Variants in ZNF367 observed in about 807,000 individuals in gnomAD.
The protein encoded by ZNF367 is zinc finger protein 367.
In ZNF367, 11 loss-of-function variants were observed where a neutral mutation model predicts 31.8. The ratio of observed to expected loss-of-function variants is 0.35; its 90% CI spans 0.22 to 0.57. The LOEUF is 0.57. Ranked by LOEUF, ZNF367 falls within the 20% of genes least tolerant of loss-of-function variation. ZNF367 has a pLI of 0.85. For synonymous variants in ZNF367, 199 were observed against 202.4 expected (o/e 0.98, Z 0.14); for missense variants, 353 against 484.1 (o/e 0.73, Z 2.54).
chr9:96,401,066 T>C (rs1831597414), intron 1 of ZNF367, among the ~76,000 whole-genome samples: 1 of 151,988 alleles, frequency 6.6e-6, no homozygotes, highest in South Asian at 2.1e-4. Flanking sequence ...TGTCTACAAA[T>C]AATTTAAAAA....
chr9:96,414,486 AT>A (rs112053502), intron 1 of ZNF367, among the ~76,000 whole-genome samples: 2,223 of 148,176 alleles, frequency 0.015, 51 homozygotes, highest in African/African-American at 0.05. Flanking sequence ...CTTGTTAGCA[AT>A]TTTTTTTTTT....
intron 1 of ZNF367, among the ~76,000 whole-genome samples, chr9:96,408,750 A>G (rs562961443): frequency 3.3e-5 from 5 of 152,312 alleles, no homozygotes; most frequent in African/African-American, 1.2e-4. Flanking sequence ...AAGGTAGAAA[A>G]TATTATCGGG....
At chr9:96,393,027 G>A (rs763639695) in intron 3 of ZNF367, among the ~76,000 whole-genome samples, 33 of 152,188 alleles carry the variant, frequency 2.2e-4, no homozygotes, top group African/African-American at 7.2e-4. Flanking sequence ...AGAGGTTGCC[G>A]TGAGCCGAGA....
intron 1 of ZNF367, among the ~76,000 whole-genome samples, chr9:96,412,697 C>CTTTTTTTTTTTTTTTT (rs71368258): frequency 7.5e-6 from 1 of 133,800 alleles, no homozygotes; most frequent in African/African-American, 2.8e-5. Context: ...TTTTTCTTTT[C>CTTTTTTTTTTTTTTTT]TTTTTTTTTT....
intron 1 of ZNF367, among the ~76,000 whole-genome samples, chr9:96,399,967 CAGAA>C (rs1831581451): frequency 6.6e-6 from 1 of 152,118 alleles, no homozygotes; most frequent in Admixed American, 6.6e-5. Context: ...AACAAAAACT[CAGAA>C]GGAAGGGTCT....
chr9:96,412,590 T>C (rs1831764230), intron 1 of ZNF367, among the ~76,000 whole-genome samples: 1 of 152,182 alleles, frequency 6.6e-6, no homozygotes, highest in Non-Finnish European at 1.5e-5. Flanking sequence ...TCACAACTTC[T>C]CAAGTTTTAA....
intron 2 of ZNF367, among the ~76,000 whole-genome samples, chr9:96,395,518 T>C (rs1217818415): frequency 6.6e-6 from 1 of 152,174 alleles, no homozygotes; most frequent in African/African-American, 2.4e-5. Context: ...CATTAGCTAC[T>C]GGGGTTAAGG....
At chr9:96,404,037 T>C (rs1831640851) in intron 1 of ZNF367, among the ~76,000 whole-genome samples, 1 of 151,122 alleles carries the variant, frequency 6.6e-6, no homozygotes, top group African/African-American at 2.4e-5. Context: ...CTACCAAAAA[T>C]ACAAAAAGTT....
At chr9:96,398,848 G>A (rs1210712910) in intron 1 of ZNF367, among the ~76,000 whole-genome samples, 1 of 152,186 alleles carries the variant, frequency 6.6e-6, no homozygotes, top group Non-Finnish European at 1.5e-5. Context: ...AATTCTGAAA[G>A]AATTGCGTTT....
rs186561806 is a variant in ZNF367 at position 96,411,269 on chromosome 9, T to C, written c.420+6344A>G. On this transcript the variant is annotated intron_variant, in intron 1 of 4. Coordinates refer to ENST00000375256, the MANE Select transcript of ZNF367 (RefSeq NM_153695.4). ...GTATTTTTACATATGTAAGAAAGGC[T>C]GGGCGCCGTGGCTCATGCCTGTAAT... 1.2e-3 allele frequency among the ~76,000 whole-genome samples: 184 copies of C among 152,090 alleles called. 2 individuals are homozygous for C. The East Asian group carries it at 0.029, about 24-fold the overall frequency.
chr9:96,406,825 C>T (rs1001208178), intron 1 of ZNF367, among the ~76,000 whole-genome samples: 1 of 150,320 alleles, frequency 6.7e-6, no homozygotes, highest in South Asian at 2.1e-4. Context: ...ACAGTGAAAC[C>T]CCATCTCTAC....
At chr9:96,390,230 C>G (rs1445424118) in intron 4 of ZNF367, among the ~76,000 whole-genome samples, 1 of 150,560 alleles carries the variant, frequency 6.6e-6, no homozygotes, top group Admixed American at 6.6e-5. Context: ...AAATTACATA[C>G]CAAAAAAAAA....
In ZNF367 at chr9:96,417,870, G is replaced by T; in HGVS notation, c.163C>A (p.Pro55Thr). The T allele has an allele frequency of 6.6e-7, 1 of 1,515,966 alleles. No homozygotes were observed. The allele number at this position is 1,515,966 out of a possible 1,614,324, so 93.9% of individuals were successfully genotyped here. A position where few individuals can be genotyped will look rare whatever the true frequency, so the allele number is the denominator to read the frequency against. Reference sequence around the variant, plus strand: ...AAGCCGGGGCTGGTGGGGATGAGCGGCGGCGGCGGCTCCGGCTCCCCTCCA... The same window carrying T: ...AAGCCGGGGCTGGTGGGGATGAGCGTCGGCGGCGGCTCCGGCTCCCCTCCA... ...GGGGEPEPPPPLIPTSPGFSD... is the reference protein window; with the variant it reads ...GGGGEPEPPPTLIPTSPGFSD... The change falls in exon 1 of 5, where the codon CCG becomes ACG. Residue 55 changes from proline to threonine, a missense_variant. By Grantham distance (38) the Pro-to-Thr change is conservative. Coordinates refer to ENST00000375256, the MANE Select transcript of ZNF367 (RefSeq NM_153695.4). This position sits in a 1 kb window ranked among gnomAD's most constrained non-coding sequence, Gnocchi z 5.0.
intron 1 of ZNF367, among the ~76,000 whole-genome samples, chr9:96,415,807 C>A (rs1189742731): frequency 6.6e-6 from 1 of 151,322 alleles, no homozygotes; most frequent in Non-Finnish European, 1.5e-5. Context: ...CAAGTTTCTT[C>A]AATTTTTGTT....
At chr9:96,414,231 C>T (rs552280885) in intron 1 of ZNF367, among the ~76,000 whole-genome samples, 8 of 152,098 alleles carry the variant, frequency 5.3e-5, no homozygotes, top group Admixed American at 6.5e-5. Context: ...TTCTGTCTTA[C>T]GGTGGGAAAG....
Position 96,386,661 on chromosome 9 carries a change from T to G in ZNF367, c.*1576A>C, listed in dbSNP as rs1042225306. ...GGAATTACATTTTTAAAGTATGTCC[T>G]CATCATACACATTATTCGTAACTAT... is the stretch of plus-strand genomic sequence containing the variant. On this transcript the variant is annotated 3_prime_UTR_variant, in exon 5 of 5. Coordinates refer to ENST00000375256, the MANE Select transcript of ZNF367 (RefSeq NM_153695.4). 12 of 152,220 alleles carry G rather than the reference T, an allele frequency of 7.9e-5. No individual in the cohort carries two copies. The highest frequency in any genetic ancestry group is 7.9e-4 in the Admixed American group (12 of 15,280). 9.4% of individuals were successfully genotyped at this position (152,220 alleles called of 1,614,324 possible). A position where few individuals can be genotyped will look rare whatever the true frequency, so the allele number is the denominator to read the frequency against.
chr9:96,410,925 A>G (rs1377656108), intron 1 of ZNF367, among the ~76,000 whole-genome samples: 3 of 148,374 alleles, frequency 2.0e-5, no homozygotes, highest in African/African-American at 7.5e-5. Context: ...GGCTGGCCAC[A>G]GTGGCTCACG....
chr9:96,407,747 G>C (rs1831688951), intron 1 of ZNF367: 1 of 1,383,302 alleles, frequency 7.2e-7, no homozygotes, highest in African/African-American at 1.4e-5. Flanking sequence ...TGCTTTGTTG[G>C]AGATGGCTTT....
At chr9:96,413,490 C>T (rs116727749) in intron 1 of ZNF367, among the ~76,000 whole-genome samples, 4 of 152,098 alleles carry the variant, frequency 2.6e-5, no homozygotes, top group Non-Finnish European at 4.4e-5. Flanking sequence ...AAGTAGGATA[C>T]GGCAGCCGGT....
Sources: gnomAD v4.1 joint callset for allele counts (sites outside exome capture counted in the v4.1 genomes callset) on GRCh38, gnomAD v4.1.1 for gene constraint, Gnocchi (gnomAD v3.1) non-coding constraint, MANE v1.5 for transcripts, NCBI Gene and HGNC (gene_info 2026-07-23, HGNC 2026-07-21) for gene names.